MYH10: variants seen among roughly 807,000 people sequenced by gnomAD.
MYH10 encodes the protein myosin heavy chain 10.
A neutral mutation model predicts 257.8 loss-of-function variants in MYH10; 55 were observed. The ratio of observed to expected loss-of-function variants is 0.21; its 90% CI spans 0.17 to 0.27. MYH10 has a LOEUF of 0.27. Ranked by LOEUF, MYH10 falls within the 10% of genes least tolerant of loss-of-function variation. The pLI, the probability that MYH10 is intolerant of heterozygous loss-of-function variation, is 1.00. For missense variants in MYH10, 1,631 were observed against 2,500.6 expected (o/e 0.65, Z 7.42); for synonymous variants, 854 against 921.7 (o/e 0.93, Z 1.33).
At chr17:8,610,263 T>A (rs146223650) in intron 2 of MYH10, among the ~76,000 whole-genome samples, 5 of 11,526 alleles carry the variant, frequency 4.3e-4, no homozygotes, top group Non-Finnish European at 6.7e-4. Context: ...GGGAGCACCA[T>A]AGGATTGCAA....
chr17:8,587,311 G>A, intron 4 of MYH10, among the ~76,000 whole-genome samples: 1 of 152,148 alleles, frequency 6.6e-6, no homozygotes, highest in Non-Finnish European at 1.5e-5. Flanking sequence ...CTAAGTTTCA[G>A]CGTGATTTGC....
chr17:8,570,687 A>C (rs1481671587), intron 6 of MYH10, among the ~76,000 whole-genome samples: 1 of 152,160 alleles, frequency 6.6e-6, no homozygotes, highest in Non-Finnish European at 1.5e-5. Context: ...CTAAAGAAAA[A>C]CTAAATAAAA....
In MYH10 at chr17:8,545,561, C is replaced by T. The variant is rs1326476998; in HGVS notation, c.1318G>A (p.Glu440Lys). ...AVEALAKATYERLFRWLVHRI... is the reference protein window; with the variant it reads ...AVEALAKATYKRLFRWLVHRI... The stretch of plus-strand genomic sequence containing the variant: ...TGAACGAGCCAGCGAAAGAGCCGCT[C>T]ATAGGTAGCTTTTGCCAATGCTTCT... Residue 440 changes from glutamate (E) to lysine (K), a missense_variant, in exon 13 of 43, where the codon GAG becomes AAG. Physicochemically the swap from Glu to Lys is moderately conservative, Grantham distance 56. Transcript: ENST00000360416. This position sits in a 1 kb window ranked among gnomAD's most constrained non-coding sequence, Gnocchi z 4.7. 2.1e-5 allele frequency: 34 copies of T among 1,614,074 alleles called. No individual in the cohort carries two copies. Among genetic ancestry groups the T allele is most frequent in the Non-Finnish European group, 2.9e-5 (34 of 1,180,000 alleles).
intron 41 of MYH10, 129 bp downstream of exon 41, chr17:8,478,209 A>G: frequency 1.3e-6 from 1 of 793,174 alleles, no homozygotes; most frequent in Non-Finnish European, 2.0e-6. Flanking sequence ...AGGAACATGG[A>G]ACAGCCCACG....
At chr17:8,503,519 A>ACCT (rs1290666974) in intron 28 of MYH10, among the ~76,000 whole-genome samples, 1 of 151,812 alleles carries the variant, frequency 6.6e-6, no homozygotes, top group Admixed American at 6.6e-5. Flanking sequence ...CCACCATCTG[A>ACCT]CCTCAGTCTC....
At chr17:8,537,663 C>T (rs2082178612) in intron 14 of MYH10, among the ~76,000 whole-genome samples, 2 of 152,200 alleles carry the variant, frequency 1.3e-5, no homozygotes, top group South Asian at 4.1e-4. Flanking sequence ...AAACATCCTC[C>T]TTTTACCCTT....
chr17:8,546,281 A>T (rs1225368478), intron 12 of MYH10, among the ~76,000 whole-genome samples: 1 of 151,764 alleles, frequency 6.6e-6, no homozygotes, highest in Non-Finnish European at 1.5e-5. Flanking sequence ...CTGGTCTCAA[A>T]CTCCTGACCT....
intron 38 of MYH10, 114 bp downstream of exon 38, chr17:8,481,208 C>A: frequency 9.8e-7 from 1 of 1,025,050 alleles, no homozygotes; most frequent in South Asian, 1.4e-5. Context: ...AGCCCAGGCC[C>A]AGCGAGGGAG....
chr17:8,484,061 ATT>A (rs777780272), intron 37 of MYH10, 75 bp downstream of exon 37: 10 of 1,387,134 alleles, frequency 7.2e-6, no homozygotes, highest in Non-Finnish European at 8.8e-6. Flanking sequence ...CTACAAATAT[ATT>A]AACTTTTTTT....
chr17:8,624,767 C>T (rs1287010142), intron 1 of MYH10, among the ~76,000 whole-genome samples: 1 of 152,222 alleles, frequency 6.6e-6, no homozygotes, highest in Non-Finnish European at 1.5e-5. Context: ...ACACATTCAA[C>T]CAACTTCTGG....
intron 7 of MYH10, among the ~76,000 whole-genome samples, chr17:8,568,034 C>T (rs1276158088): frequency 2.6e-5 from 4 of 152,172 alleles, no homozygotes; most frequent in Admixed American, 2.6e-4. Context: ...CTTCCCCCTG[C>T]CTTAACATAA....
At chr17:8,602,137 G>A (rs428025) in intron 3 of MYH10, among the ~76,000 whole-genome samples, 60,878 of 152,000 alleles carry the variant, frequency 0.4, 12,257 homozygotes, top group East Asian at 0.5. Context: ...TGCCACGCCC[G>A]GCTAATTTTT....
At chr17:8,476,571 TAA>T (rs1912661286) in intron 42 of MYH10, among the ~76,000 whole-genome samples, 1 of 152,162 alleles carries the variant, frequency 6.6e-6, no homozygotes. Flanking sequence ...CCCTGCTTTT[TAA>T]GAGAGGCTGG....
chr17:8,478,080 G>A (rs914667650), intron 41 of MYH10, among the ~76,000 whole-genome samples: 12 of 152,158 alleles, frequency 7.9e-5, no homozygotes, highest in African/African-American at 2.7e-4. Context: ...CTGTACTCAC[G>A]AAGCACACAT....
intron 8 of MYH10, 60 bp downstream of exon 8, chr17:8,553,895 G>T: frequency 1.5e-6 from 2 of 1,376,144 alleles, no homozygotes; most frequent in Non-Finnish European, 2.0e-6. Context: ...GGTTGCCATG[G>T]GGTTGTAGGA....
intron 13 of MYH10, among the ~76,000 whole-genome samples, chr17:8,542,484 TAA>T (rs2082316734): frequency 6.6e-6 from 1 of 151,900 alleles, no homozygotes; most frequent in South Asian, 2.1e-4. Flanking sequence ...TTTGAAAAGG[TAA>T]AGAGAAAGAA....
At chr17:8,571,408 T>C (rs12951406) in intron 6 of MYH10, among the ~76,000 whole-genome samples, 146,318 of 151,712 alleles carry the variant, frequency 0.96, 70,793 homozygotes, top group East Asian at 1. Flanking sequence ...GCTGTAAATT[T>C]TTCTAAACCA....
At chr17:8,576,509 A>G in intron 6 of MYH10, 134 bp downstream of exon 6, 1 of 860,348 alleles carries the variant, frequency 1.2e-6, no homozygotes, top group Non-Finnish European at 1.8e-6. Flanking sequence ...TAAGCAATAA[A>G]TTTTCAAAAT....
At position 8,513,535 on chromosome 17, in the gene MYH10, C is replaced by T. The variant is rs1318797897; in HGVS notation, c.2745+3G>A. 9 of 1,613,828 alleles carry T rather than the reference C, an allele frequency of 5.6e-6. No individual in the cohort carries two copies. In the African/African-American group the frequency reaches 6.7e-5, roughly 12 times the overall value. ...GTGTGAGTTACAAGGTCACTGCACA[C>T]ACCTGCTGGTGCTTCCGCTCCATCT... is the stretch of plus-strand genomic sequence containing the variant. On this transcript the variant is annotated splice_donor_region_variant and intron_variant, in intron 23 of 42. Coordinates refer to ENST00000360416, the MANE Select transcript of MYH10 (RefSeq NM_001256012.3).
Sources: allele counts gnomAD v4.1 joint callset (sites outside exome capture counted in the v4.1 genomes callset), GRCh38; gene constraint gnomAD v4.1.1; non-coding constraint Gnocchi (gnomAD v3.1); transcripts MANE v1.5; gene names NCBI Gene and HGNC (gene_info 2026-07-23, HGNC 2026-07-21).